BMPER: variants seen among roughly 807,000 people sequenced by gnomAD.
BMPER encodes the protein BMP-binding endothelial regulator protein.
In BMPER, 45 loss-of-function variants were observed where a neutral mutation model predicts 87.3. The observed-to-expected ratio is 0.52, with a 90% CI of 0.41 to 0.66. The LOEUF (loss-of-function observed/expected upper bound fraction) is 0.66. BMPER is among the 30% of genes least tolerant of loss of function. The pLI, the probability that BMPER is intolerant of heterozygous loss-of-function variation, is 0.00. For synonymous variants in BMPER, 326 were observed against 316.2 expected (o/e 1.03, Z -0.33); for missense variants, 784 against 867.5 (o/e 0.90, Z 1.21).
intron 14 of BMPER, among the ~76,000 whole-genome samples, chr7:34,151,074 A>G (rs1214109700): frequency 1.3e-5 from 2 of 152,146 alleles, no homozygotes; most frequent in African/African-American, 4.8e-5. Context: ...CAAGCTAGAT[A>G]ATGGCACCAG....
chr7:33,935,891 T>C (rs1365394107), intron 2 of BMPER, among the ~76,000 whole-genome samples: 2 of 152,202 alleles, frequency 1.3e-5, no homozygotes, highest in Non-Finnish European at 2.9e-5. Context: ...GGTCGTGGCT[T>C]ATTGTTTCTG....
intron 3 of BMPER, among the ~76,000 whole-genome samples, chr7:33,942,082 G>T (rs1490533168): frequency 2.0e-5 from 3 of 152,050 alleles, no homozygotes; most frequent in Non-Finnish European, 4.4e-5. Flanking sequence ...GGTGAATCTA[G>T]TATTATTCGT....
At chr7:33,907,363 G>A (rs1181545006) in intron 2 of BMPER, among the ~76,000 whole-genome samples, 1 of 151,940 alleles carries the variant, frequency 6.6e-6, no homozygotes, top group African/African-American at 2.4e-5. Context: ...ACAAACATAA[G>A]GACAAGATGT....
intron 13 of BMPER, among the ~76,000 whole-genome samples, chr7:34,100,278 TAAG>T (rs911574856): frequency 2.6e-5 from 4 of 152,202 alleles, no homozygotes; most frequent in Admixed American, 2.6e-4. Context: ...ATTTGTTGTG[TAAG>T]AAGATCTTAT....
chr7:34,035,993 T>C (rs1787653321), intron 6 of BMPER, among the ~76,000 whole-genome samples: 1 of 152,196 alleles, frequency 6.6e-6, no homozygotes, highest in Non-Finnish European at 1.5e-5. Context: ...TCGGCTTTCT[T>C]CTTAGTGCCT....
intron 13 of BMPER, among the ~76,000 whole-genome samples, chr7:34,112,533 A>T (rs2127986580): frequency 6.7e-6 from 1 of 149,280 alleles, no homozygotes; most frequent in East Asian, 2.0e-4. Context: ...AGACTGAAGA[A>T]AGTAAAAATC....
At chr7:33,962,858 A>G (rs1250476237) in intron 3 of BMPER, among the ~76,000 whole-genome samples, 1 of 152,030 alleles carries the variant, frequency 6.6e-6, no homozygotes, top group Non-Finnish European at 1.5e-5. Flanking sequence ...TATTTACCTG[A>G]CCAGTCATCT....
intron 13 of BMPER, among the ~76,000 whole-genome samples, chr7:34,126,086 A>G (rs1006979769): frequency 1.3e-5 from 2 of 152,194 alleles, no homozygotes; most frequent in Admixed American, 1.3e-4. Context: ...TTCTGACTTG[A>G]GAGAAGGTGA....
intron 11 of BMPER, among the ~76,000 whole-genome samples, chr7:34,069,464 T>A (rs1423748402): frequency 6.6e-6 from 1 of 152,244 alleles, no homozygotes; most frequent in African/African-American, 2.4e-5. Context: ...GGTATTGTGA[T>A]AAATGCTCTC....
chr7:33,964,821 A>G (rs576688833), intron 3 of BMPER, among the ~76,000 whole-genome samples: 1 of 152,326 alleles, frequency 6.6e-6, no homozygotes, highest in South Asian at 2.1e-4. Context: ...TTTAATTCAG[A>G]TAATGAAAAT....
chr7:33,966,178 G>A (rs1198831642), intron 3 of BMPER, among the ~76,000 whole-genome samples: 1 of 152,064 alleles, frequency 6.6e-6, no homozygotes, highest in African/African-American at 2.4e-5. Flanking sequence ...ACATCATTAG[G>A]CATAAATCAA....
At chr7:34,069,009 A>T (rs1370890873) in intron 11 of BMPER, among the ~76,000 whole-genome samples, 1 of 152,254 alleles carries the variant, frequency 6.6e-6, no homozygotes, top group Non-Finnish European at 1.5e-5. Context: ...ATTATGACAT[A>T]GTTCAATTAA....
intron 6 of BMPER, among the ~76,000 whole-genome samples, chr7:33,990,432 G>A (rs11976012): frequency 0.041 from 4,916 of 119,838 alleles, 46 homozygotes; most frequent in Middle Eastern, 0.058. Context: ...TTGTTGGTGT[G>A]TAAGAATGCT....
At chr7:34,129,022 G>C (rs1790477301) in intron 13 of BMPER, among the ~76,000 whole-genome samples, 1 of 152,164 alleles carries the variant, frequency 6.6e-6, no homozygotes, top group Non-Finnish European at 1.5e-5. Flanking sequence ...AACCACAGTG[G>C]GTTGCCATGA....
Position 33,991,827 on chromosome 7 carries a change from C to G in BMPER, c.576+17043C>G, listed in dbSNP as rs1314702391. On this transcript the variant is annotated intron_variant, in intron 6 of 14. Transcript: ENST00000649409. ...TTCTGGTATGTTGTGTCTTTGTTCT[C>G]GTTGGTTTCAAAGAACATCTTTATT... Among the ~76,000 whole-genome samples the G allele has an allele frequency of 1.5e-4, 22 of 146,958 alleles. No homozygotes were observed. The East Asian group carries it at 4.2e-3, about 28-fold the overall frequency.
At chr7:34,090,374 A>G (rs970967369) in intron 13 of BMPER, among the ~76,000 whole-genome samples, 1 of 152,096 alleles carries the variant, frequency 6.6e-6, no homozygotes, top group Admixed American at 6.5e-5. Flanking sequence ...CTCCTTTTTC[A>G]TCTCATATTC....
chr7:33,985,327 T>G (rs2127920414), intron 6 of BMPER, among the ~76,000 whole-genome samples: 1 of 152,334 alleles, frequency 6.6e-6, no homozygotes, highest in East Asian at 1.9e-4. Flanking sequence ...ATTGTGAATA[T>G]GTCTCCATTT....
chr7:34,129,622 GAGAA>G (rs1362715085), intron 13 of BMPER, among the ~76,000 whole-genome samples: 1 of 67,134 alleles, frequency 1.5e-5, no homozygotes, highest in African/African-American at 6.7e-5. Flanking sequence ...GAGAGAGAGA[GAGAA>G]AGAGAGAAAG....
At chr7:34,135,174 A>G (rs924968849) in intron 13 of BMPER, among the ~76,000 whole-genome samples, 8 of 152,180 alleles carry the variant, frequency 5.3e-5, no homozygotes, top group African/African-American at 1.9e-4. Flanking sequence ...TGGGCAGGCA[A>G]TCAAGTAAGA....
Sources: gnomAD v4.1 joint callset for allele counts (sites outside exome capture counted in the v4.1 genomes callset) on GRCh38, gnomAD v4.1.1 for gene constraint, MANE v1.5 for transcripts, NCBI Gene and HGNC (gene_info 2026-07-23, HGNC 2026-07-21) for gene names.